RGS7: variants seen among roughly 807,000 people sequenced by gnomAD.
RGS7 encodes the protein regulator of G protein signaling 7.
RGS7 carries 27 observed loss-of-function variants against 81.1 expected under a neutral mutation model. The observed-to-expected ratio is 0.33, with a 90% CI of 0.25 to 0.46. RGS7 has a LOEUF of 0.46. RGS7 is among the 20% of genes least tolerant of loss of function. The pLI, the probability that RGS7 is intolerant of heterozygous loss-of-function variation, is 1.00. For synonymous variants in RGS7, 208 were observed against 207.7 expected (o/e 1.00, Z -0.01); for missense variants, 396 against 607.4 (o/e 0.65, Z 3.66).
chr1:240,838,879 G>T (rs1268307126), intron 9 of RGS7, among the ~76,000 whole-genome samples: 1 of 151,778 alleles, frequency 6.6e-6, no homozygotes, highest in Non-Finnish European at 1.5e-5. Flanking sequence ...CCATTCTCCT[G>T]CCTCAGCCTC....
intron 2 of RGS7, among the ~76,000 whole-genome samples, chr1:241,102,594 T>C (rs9428862): frequency 0.31 from 47,236 of 152,098 alleles, 10,233 homozygotes; most frequent in African/African-American, 0.61. Flanking sequence ...TTCCCTTTTT[T>C]TTCAAATGTT....
rs569505262 is a variant in RGS7, at chr1:241,262,155, C to T, written c.78+93544G>A. ...CATTCCCCATTCCCCCTTGCAAGGTCTTGGCGATTCACAGTGTGCCAGGCA... is the reference window on the plus strand; with the variant it reads ...CATTCCCCATTCCCCCTTGCAAGGTTTTGGCGATTCACAGTGTGCCAGGCA... On this transcript the variant is annotated intron_variant, in intron 2 of 18. Coordinates refer to ENST00000440928, the MANE Select transcript of RGS7 (RefSeq NM_001364886.1). Among the ~76,000 whole-genome samples the T allele has an allele frequency of 2.8e-3, 426 of 152,234 alleles. 1 individual carries two copies. The highest frequency in any genetic ancestry group is 9.5e-3 in the African/African-American group (393 of 41,528).
At chr1:241,171,895 G>A (rs541896515) in intron 2 of RGS7, among the ~76,000 whole-genome samples, 8 of 152,202 alleles carry the variant, frequency 5.3e-5, no homozygotes, top group Non-Finnish European at 1.0e-4. Context: ...GCATCCTGTG[G>A]AGAAACAAAA....
intron 3 of RGS7, among the ~76,000 whole-genome samples, chr1:241,081,128 C>T (rs1416436546): frequency 1.3e-5 from 2 of 152,174 alleles, no homozygotes; most frequent in Admixed American, 1.3e-4. Context: ...TAGTGCTGAA[C>T]CTGCCCTCCC....
chr1:240,781,050 G>T (rs1394440515), intron 18 of RGS7, among the ~76,000 whole-genome samples: 1 of 149,866 alleles, frequency 6.7e-6, no homozygotes, highest in Non-Finnish European at 1.5e-5. Flanking sequence ...AAAAAACATG[G>T]TTCTCTTTCT....
At chr1:241,290,596 A>C (rs1377387605) in intron 2 of RGS7, among the ~76,000 whole-genome samples, 1 of 152,228 alleles carries the variant, frequency 6.6e-6, no homozygotes, top group Admixed American at 6.5e-5. Context: ...TAGAATAATA[A>C]ATGATCCTCT....
chr1:241,295,484 C>T (rs1293328954), intron 2 of RGS7, among the ~76,000 whole-genome samples: 5 of 151,608 alleles, frequency 3.3e-5, no homozygotes, highest in African/African-American at 4.8e-5. Context: ...GATATGTTTA[C>T]AAATATACAG....
At chr1:241,039,706 T>C (rs1446863732) in intron 3 of RGS7, among the ~76,000 whole-genome samples, 1 of 151,892 alleles carries the variant, frequency 6.6e-6, no homozygotes, top group Non-Finnish European at 1.5e-5. Flanking sequence ...GATAGGAAAA[T>C]CCCCTGCCCA....
At chr1:240,970,465 A>G (rs1038527738) in intron 4 of RGS7, among the ~76,000 whole-genome samples, 6 of 152,242 alleles carry the variant, frequency 3.9e-5, no homozygotes, top group African/African-American at 1.4e-4. Flanking sequence ...CGCAACACCA[A>G]AAACAAATAA....
At chr1:241,266,449 C>G (rs540018300) in intron 2 of RGS7, among the ~76,000 whole-genome samples, 52 of 152,308 alleles carry the variant, frequency 3.4e-4, no homozygotes, top group African/African-American at 1.2e-3. Flanking sequence ...TTATTCCATT[C>G]TTTAATTTTT....
At chr1:240,839,674 G>C (rs1316428503) in intron 9 of RGS7, among the ~76,000 whole-genome samples, 4 of 152,112 alleles carry the variant, frequency 2.6e-5, no homozygotes, top group Non-Finnish European at 5.9e-5. Context: ...CAGCATTCTT[G>C]GGTTGCATCT....
At chr1:241,123,431 A>C (rs983928337) in intron 2 of RGS7, among the ~76,000 whole-genome samples, 1 of 152,142 alleles carries the variant, frequency 6.6e-6, no homozygotes, top group East Asian at 1.9e-4. Context: ...CCTAAGATAC[A>C]ATCACTCAAA....
chr1:240,878,489 C>CTTTTTTTTTTTTTTT (rs57896753), intron 6 of RGS7, among the ~76,000 whole-genome samples: 6 of 117,576 alleles, frequency 5.1e-5, no homozygotes, highest in East Asian at 2.5e-4. Context: ...TTTTTTCTTT[C>CTTTTTTTTTTTTTTT]TTTTTTTTTT....
At chr1:241,214,424 T>G (rs954765683) in intron 2 of RGS7, among the ~76,000 whole-genome samples, 1 of 150,736 alleles carries the variant, frequency 6.6e-6, no homozygotes, top group Non-Finnish European at 1.5e-5. Context: ...TATATAATGT[T>G]TTTTTTTTCT....
chr1:240,881,329 T>A (rs1311908938), intron 6 of RGS7, among the ~76,000 whole-genome samples: 1 of 114,568 alleles, frequency 8.7e-6, no homozygotes, highest in Admixed American at 1.1e-4. Flanking sequence ...GAGGGGAACA[T>A]CACACACGGG....
In RGS7 at chr1:241,209,269, G is replaced by A. The variant is rs113755667; in HGVS notation, c.79-110507C>T. 5.8e-3 allele frequency among the ~76,000 whole-genome samples: 888 copies of A among 152,198 alleles called. 11 individuals carry two copies. The highest frequency in any genetic ancestry group is 0.02 in the African/African-American group (848 of 41,520). On this transcript the variant is annotated intron_variant, in intron 2 of 18. Coordinates refer to ENST00000440928, the MANE Select transcript of RGS7 (RefSeq NM_001364886.1). ...TATGTGTGATAACGCTCAGCCTAGA[G>A]GAACACAGAATGTATTGAATAAAGG...
chr1:240,812,437 C>CTTT (rs71172652), intron 13 of RGS7, among the ~76,000 whole-genome samples: 3,398 of 137,576 alleles, frequency 0.025, 91 homozygotes, highest in Non-Finnish European at 0.034. Context: ...TTTCTTTTTT[C>CTTT]TTTTTTTTTT....
At chr1:240,843,173 T>TAAAATA (rs1260830796) in intron 9 of RGS7, among the ~76,000 whole-genome samples, 259 of 139,316 alleles carry the variant, frequency 1.9e-3, no homozygotes, top group Middle Eastern at 7.0e-3. Flanking sequence ...CTCAAAAAAA[T>TAAAATA]AAAATAAAAA....
At chr1:241,167,113 A>G (rs2070320805) in intron 2 of RGS7, among the ~76,000 whole-genome samples, 10 of 152,200 alleles carry the variant, frequency 6.6e-5, no homozygotes, top group Admixed American at 6.5e-4. Context: ...CAAAATAAGA[A>G]AAGCAATACA....
Sources: allele counts gnomAD v4.1 joint callset (sites outside exome capture counted in the v4.1 genomes callset), GRCh38; gene constraint gnomAD v4.1.1; transcripts MANE v1.5; gene names NCBI Gene and HGNC (gene_info 2026-07-23, HGNC 2026-07-21).